Variants in SND1 observed in about 807,000 individuals in gnomAD.
SND1 encodes staphylococcal nuclease and tudor domain containing 1.
In SND1, 38 loss-of-function variants were observed where a neutral mutation model predicts 121.7. The ratio of observed to expected loss-of-function variants is 0.31; its 90% CI spans 0.24 to 0.41. SND1 has a LOEUF of 0.41. Among genes scored for constraint, SND1 ranks in the 10% least tolerant of loss-of-function variants. The probability of loss-of-function intolerance (pLI) is 1.00; values close to 1 mark genes in which losing one functional copy is unlikely to be tolerated. For synonymous variants in SND1, 401 were observed against 447.4 expected (o/e 0.90, Z 1.31); for missense variants, 868 against 1,184.6 (o/e 0.73, Z 3.92).
intron 10 of SND1, among the ~76,000 whole-genome samples, chr7:127,755,601 C>G (rs1468924100): frequency 6.6e-6 from 1 of 152,242 alleles, no homozygotes; most frequent in Admixed American, 6.5e-5. Flanking sequence ...TTTAAAATCT[C>G]TTGCTGCTGG....
intron 16 of SND1, among the ~76,000 whole-genome samples, chr7:128,039,378 G>A (rs1273120930): frequency 6.6e-6 from 1 of 152,146 alleles, no homozygotes; most frequent in Non-Finnish European, 1.5e-5. Flanking sequence ...GACTGTTTTT[G>A]ATATCCCACG....
At chr7:128,059,552 G>GA (rs1448737704) in intron 16 of SND1, among the ~76,000 whole-genome samples, 59 of 152,248 alleles carry the variant, frequency 3.9e-4, no homozygotes, top group African/African-American at 1.3e-3. Flanking sequence ...TCACTTTGAG[G>GA]AACCCTAATC....
At chr7:127,704,513 A>G (rs1421691057) in intron 7 of SND1, among the ~76,000 whole-genome samples, 1 of 152,230 alleles carries the variant, frequency 6.6e-6, no homozygotes, top group Non-Finnish European at 1.5e-5. Context: ...TTAAAGATTA[A>G]CATCCTCCTC....
intron 10 of SND1, among the ~76,000 whole-genome samples, chr7:127,738,687 G>GTCT (rs1212085418): frequency 6.6e-6 from 1 of 152,096 alleles, no homozygotes; most frequent in African/African-American, 2.4e-5. Context: ...TTTCCCTGAG[G>GTCT]TCTTTTTCTT....
rs1563091692 is a variant in SND1 at position 128,023,445 on chromosome 7, G to GCTTCCCAAGGTCCCAGC, written c.1779+32391_1779+32407dup. 2.6e-5 allele frequency among the ~76,000 whole-genome samples: 4 copies of GCTTCCCAAGGTCCCAGC among 152,170 alleles called. No individual in the cohort carries two copies. In the South Asian group the frequency reaches 8.3e-4, roughly 31 times the overall value. On this transcript the variant is annotated intron_variant, in intron 16 of 23. Transcript: ENST00000354725. ...TTTACCTTCTTGGTAAAGGACCTAG[G>GCTTCCCAAGGTCCCAGC]CTTCCCAAGGTCCCAGCCCTCAGCT...
At chr7:127,895,692 G>A (rs1265350290) in intron 13 of SND1, among the ~76,000 whole-genome samples, 4 of 152,118 alleles carry the variant, frequency 2.6e-5, no homozygotes, top group Non-Finnish European at 5.9e-5. Flanking sequence ...GCAGCTGAAC[G>A]TGGGGAAATT....
intron 16 of SND1, among the ~76,000 whole-genome samples, chr7:128,056,601 T>C (rs1220929088): frequency 2.6e-5 from 4 of 152,206 alleles, no homozygotes; most frequent in African/African-American, 9.6e-5. Flanking sequence ...TCAAATAGTT[T>C]TCTGCCACAA....
At chr7:128,071,664 G>A (rs1018316155) in intron 16 of SND1, among the ~76,000 whole-genome samples, 2 of 152,192 alleles carry the variant, frequency 1.3e-5, no homozygotes, top group Non-Finnish European at 2.9e-5. Flanking sequence ...GCGTCACACC[G>A]AATTCCACAG....
chr7:127,882,573 T>C (rs545107026), intron 12 of SND1, among the ~76,000 whole-genome samples: 5 of 152,064 alleles, frequency 3.3e-5, no homozygotes, highest in Non-Finnish European at 7.4e-5. Flanking sequence ...CTTTCCCAGC[T>C]TTTGTCTTCC....
At chr7:127,761,238 T>G (rs1797300216) in intron 10 of SND1, among the ~76,000 whole-genome samples, 1 of 152,210 alleles carries the variant, frequency 6.6e-6, no homozygotes, top group Non-Finnish European at 1.5e-5. Context: ...TCCCAAAAGT[T>G]TCTTTTTGTG....
At chr7:127,915,467 G>A in intron 14 of SND1, among the ~76,000 whole-genome samples, 1 of 152,014 alleles carries the variant, frequency 6.6e-6, no homozygotes. Context: ...TTTAACATAT[G>A]CCATCTCTGT....
intron 10 of SND1, among the ~76,000 whole-genome samples, chr7:127,761,860 C>T (rs551668614): frequency 2.0e-5 from 3 of 152,282 alleles, no homozygotes; most frequent in African/African-American, 4.8e-5. Context: ...TTTCCAGAGG[C>T]TTCTACATTG....
intron 10 of SND1, among the ~76,000 whole-genome samples, chr7:127,755,445 C>T (rs1162570092): frequency 1.3e-5 from 2 of 152,194 alleles, no homozygotes; most frequent in African/African-American, 2.4e-5. Flanking sequence ...TGCTAAAACC[C>T]GGTGTAAAAT....
At chr7:127,948,856 A>G (rs768823851) in intron 15 of SND1, among the ~76,000 whole-genome samples, 14 of 152,362 alleles carry the variant, frequency 9.2e-5, no homozygotes, top group Non-Finnish European at 1.5e-4. Flanking sequence ...TTATAGATTC[A>G]TGGTGCTAAC....
chr7:127,817,997 C>A (rs1013042848), intron 11 of SND1, among the ~76,000 whole-genome samples: 1 of 151,952 alleles, frequency 6.6e-6, no homozygotes, highest in Non-Finnish European at 1.5e-5. Context: ...GGGATTTGTC[C>A]TCTGCTTTGT....
At chr7:127,857,710 C>G in intron 12 of SND1, 2 of 590,070 alleles carry the variant, frequency 3.4e-6, no homozygotes, top group South Asian at 4.0e-5. Flanking sequence ...CAGCCAAGGC[C>G]CCACAACTAA....
intron 12 of SND1, among the ~76,000 whole-genome samples, chr7:127,887,639 A>ATTTT (rs57655542): frequency 6.9e-6 from 1 of 145,038 alleles, no homozygotes; most frequent in Non-Finnish European, 1.5e-5. Flanking sequence ...CTTTTTACAG[A>ATTTT]TTTTTTTTTT....
intron 16 of SND1, among the ~76,000 whole-genome samples, chr7:128,009,433 A>C (rs1487576483): frequency 6.6e-6 from 1 of 152,210 alleles, no homozygotes; most frequent in Non-Finnish European, 1.5e-5. Flanking sequence ...TGCAGGCAGC[A>C]AGAGATGGAA....
At chr7:127,756,643 T>G (rs1359250469) in intron 10 of SND1, among the ~76,000 whole-genome samples, 1 of 152,226 alleles carries the variant, frequency 6.6e-6, no homozygotes, top group Non-Finnish European at 1.5e-5. Context: ...CTCTGGGATC[T>G]TGCCCTCCAA....
Sources: allele counts gnomAD v4.1 joint callset (sites outside exome capture counted in the v4.1 genomes callset), GRCh38; gene constraint gnomAD v4.1.1; transcripts MANE v1.5; gene names NCBI Gene and HGNC (gene_info 2026-07-23, HGNC 2026-07-21).